The following STAU2 variants were observed in gnomAD, a reference collection of about 807,000 sequenced individuals.
The protein encoded by STAU2 is double-stranded RNA-binding protein Staufen homolog 2.
Under a neutral mutation model 65.9 loss-of-function variants are expected in STAU2, and 20 were observed. The ratio of observed to expected loss-of-function variants is 0.30; its 90% CI spans 0.21 to 0.44. The LOEUF is 0.44. STAU2 is among the 20% of genes least tolerant of loss of function. The probability of loss-of-function intolerance (pLI) is 1.00; values close to 1 mark genes in which losing one functional copy is unlikely to be tolerated. For synonymous variants in STAU2, 232 were observed against 233.9 expected, an observed-to-expected ratio of 0.99 and a Z score of 0.07; for missense variants, 558 against 683.9, an observed-to-expected ratio of 0.82 and a Z score of 2.05.
At chr8:73,600,371 C>T (rs192875738) in intron 10 of STAU2, among the ~76,000 whole-genome samples, 8 of 152,148 alleles carry the variant, frequency 5.3e-5, no homozygotes, top group Non-Finnish European at 1.2e-4. Flanking sequence ...AACTGGAAAC[C>T]ACTATGTCGT....
At chr8:73,592,716 C>A (rs189136976) in intron 11 of STAU2, among the ~76,000 whole-genome samples, 58 of 152,138 alleles carry the variant, frequency 3.8e-4, no homozygotes, top group African/African-American at 1.3e-3. Context: ...AAAAATCAGC[C>A]AGGCATGGTG....
intron 1 of STAU2, 85 bp downstream of exon 1, chr8:73,746,698 T>A (rs1270475554): frequency 1.2e-6 from 1 of 841,946 alleles, no homozygotes; most frequent in Non-Finnish European, 1.6e-6. Flanking sequence ...GCTGCGGAAC[T>A]GCAGGGCTCC....
At chr8:73,706,036 G>A (rs1235285509) in intron 4 of STAU2, among the ~76,000 whole-genome samples, 2 of 152,124 alleles carry the variant, frequency 1.3e-5, no homozygotes, top group Admixed American at 6.5e-5. Flanking sequence ...CCAATTAACA[G>A]CCAAAGTTGA....
Position 73,636,355 on chromosome 8 carries a change from T to A in STAU2, c.411-18904A>T, listed in dbSNP as rs1413365054. ...TTGCACCACTGCACTCCAGCCTGGG[T>A]GACAGAGTGAGGGCCTGTCTAAAAC... is the stretch of plus-strand genomic sequence containing the variant. On this transcript the variant is annotated intron_variant, in intron 6 of 14. Coordinates refer to ENST00000524300, the MANE Select transcript of STAU2 (RefSeq NM_001164380.2). 4.6e-5 allele frequency among the ~76,000 whole-genome samples: 7 copies of A among 151,290 alleles called. No individual in the cohort carries two copies. In the South Asian group the frequency reaches 6.3e-4, roughly 14 times the overall value.
chr8:73,743,207 A>T (rs561081330), intron 1 of STAU2, among the ~76,000 whole-genome samples: 1 of 152,054 alleles, frequency 6.6e-6, no homozygotes, highest in Non-Finnish European at 1.5e-5. Flanking sequence ...GAAAACTCTA[A>T]ATAACACAGG....
At chr8:73,667,992 T>C (rs1239001073) in intron 6 of STAU2, among the ~76,000 whole-genome samples, 1 of 152,160 alleles carries the variant, frequency 6.6e-6, no homozygotes, top group African/African-American at 2.4e-5. Flanking sequence ...GCGGAGTAGT[T>C]TGGATGGGGC....
intron 6 of STAU2, among the ~76,000 whole-genome samples, chr8:73,667,915 T>C (rs185580672): frequency 8.6e-4 from 131 of 152,346 alleles, no homozygotes; most frequent in African/African-American, 3.0e-3. Context: ...GTTCTGACTG[T>C]AATGGAAATA....
intron 3 of STAU2, among the ~76,000 whole-genome samples, chr8:73,734,709 G>A (rs1043693949): frequency 2.6e-5 from 4 of 152,036 alleles, no homozygotes; most frequent in African/African-American, 9.7e-5. Flanking sequence ...CAGAAGAATT[G>A]CTTGAATTCG....
intron 4 of STAU2, among the ~76,000 whole-genome samples, chr8:73,707,925 T>G (rs1820630926): frequency 6.6e-6 from 1 of 152,022 alleles, no homozygotes; most frequent in Non-Finnish European, 1.5e-5. Context: ...AAAAGCACCT[T>G]CAAGGCAGAA....
chr8:73,436,148 C>T (rs2128886390), intron 13 of STAU2, among the ~76,000 whole-genome samples: 1 of 152,002 alleles, frequency 6.6e-6, no homozygotes, highest in East Asian at 1.9e-4. Context: ...TAGCATATTC[C>T]TGGATTGCAT....
intron 13 of STAU2, among the ~76,000 whole-genome samples, chr8:73,429,413 CTTTTTTTTTTTTTTTTTTT>C (rs71561522): frequency 2.1e-4 from 14 of 65,312 alleles, no homozygotes; most frequent in East Asian, 1.3e-3. Context: ...TTGCTCAGGT[CTTTTTTTTTTTTTTTTTTT>C]TTTTTTTTTT....
intron 9 of STAU2, among the ~76,000 whole-genome samples, chr8:73,611,129 A>C (rs1432286357): frequency 1.3e-5 from 2 of 152,222 alleles, no homozygotes; most frequent in Non-Finnish European, 2.9e-5. Flanking sequence ...TCAATGTATA[A>C]GCCATACAAG....
chr8:73,504,165 A>T (rs900400897), intron 13 of STAU2, among the ~76,000 whole-genome samples: 1 of 152,116 alleles, frequency 6.6e-6, no homozygotes, highest in African/African-American at 2.4e-5. Context: ...GAAACTTTTC[A>T]CATTCATGAA....
intron 3 of STAU2, among the ~76,000 whole-genome samples, chr8:73,735,022 C>A (rs1461889259): frequency 6.6e-6 from 1 of 152,144 alleles, no homozygotes; most frequent in Non-Finnish European, 1.5e-5. Context: ...GCAGCCTCAA[C>A]CTCCCAGGCT....
chr8:73,529,920 G>A (rs973293698), intron 13 of STAU2, among the ~76,000 whole-genome samples: 2 of 152,168 alleles, frequency 1.3e-5, no homozygotes, highest in African/African-American at 4.8e-5. Flanking sequence ...AGGCTCCCTT[G>A]CAACTGGCCA....
intron 3 of STAU2, among the ~76,000 whole-genome samples, chr8:73,734,395 T>C (rs1806283902): frequency 6.6e-6 from 1 of 152,164 alleles, no homozygotes; most frequent in Non-Finnish European, 1.5e-5. Context: ...ATCCATGTTC[T>C]ATGATAATAA....
chr8:73,687,337 T>TTTATATTTATATTTATCAATATAAA (rs1563506804), intron 5 of STAU2, among the ~76,000 whole-genome samples: 1 of 100,904 alleles, frequency 9.9e-6, no homozygotes, highest in Non-Finnish European at 1.8e-5. Context: ...ATAAATATAA[T>TTTATATTTATATTTATCAATATAAA]TTATATTTAT....
intron 5 of STAU2, among the ~76,000 whole-genome samples, chr8:73,680,253 C>T (rs1186020573): frequency 1.3e-5 from 2 of 151,972 alleles, no homozygotes; most frequent in Admixed American, 6.6e-5. Flanking sequence ...GAAAGCCCTG[C>T]TTGCTTTCTT....
chr8:73,742,940 T>A (rs1806986618), intron 1 of STAU2, among the ~76,000 whole-genome samples: 1 of 152,150 alleles, frequency 6.6e-6, no homozygotes, highest in South Asian at 2.1e-4. Context: ...TCAGCACCCA[T>A]CCTACAGTTG....
Sources: allele counts gnomAD v4.1 joint callset (sites outside exome capture counted in the v4.1 genomes callset), GRCh38; gene constraint gnomAD v4.1.1; transcripts MANE v1.5; gene names NCBI Gene and HGNC (gene_info 2026-07-23, HGNC 2026-07-21).